MPHOSPH10: variants seen among roughly 807,000 people sequenced by gnomAD.
MPHOSPH10 encodes M-phase phosphoprotein 10.
MPHOSPH10 carries 33 observed loss-of-function variants against 77.3 expected under a neutral mutation model. The ratio of observed to expected loss-of-function variants is 0.43; its 90% CI spans 0.32 to 0.57. MPHOSPH10 has a LOEUF of 0.57. MPHOSPH10 is among the 20% of genes least tolerant of loss of function. MPHOSPH10 has a pLI of 0.07. For missense variants in MPHOSPH10, 708 were observed against 780.1 expected (o/e 0.91, Z 1.10); for synonymous variants, 245 against 268.0 (o/e 0.91, Z 0.84).
intron 1 of MPHOSPH10, among the ~76,000 whole-genome samples, chr2:71,131,960 C>T (rs1673394648): frequency 1.3e-5 from 2 of 152,188 alleles, no homozygotes; most frequent in Non-Finnish European, 2.9e-5. Context: ...AGCTTCAGCT[C>T]AGAGGCCTGA....
chr2:71,142,544 C>T (rs1673632241), intron 7 of MPHOSPH10, among the ~76,000 whole-genome samples: 1 of 152,168 alleles, frequency 6.6e-6, no homozygotes. Context: ...AGTAGCTAGG[C>T]TAGTTCTAGA....
At chr2:71,137,169 A>T (rs2103667244) in intron 4 of MPHOSPH10, among the ~76,000 whole-genome samples, 1 of 150,286 alleles carries the variant, frequency 6.7e-6, no homozygotes, top group African/African-American at 2.4e-5. Context: ...TTCATTTCTA[A>T]TTTTTTTTTT....
At chr2:71,135,555 A>G (rs1415370510) in intron 4 of MPHOSPH10, among the ~76,000 whole-genome samples, 2 of 152,020 alleles carry the variant, frequency 1.3e-5, no homozygotes, top group Non-Finnish European at 2.9e-5. Context: ...TCAAAAATAA[A>G]AAAATTTTTA....
At chr2:71,131,113 A>G (rs1673368452) in intron 1 of MPHOSPH10, among the ~76,000 whole-genome samples, 1 of 152,166 alleles carries the variant, frequency 6.6e-6, no homozygotes, top group African/African-American at 2.4e-5. Context: ...GAAAGTACGA[A>G]CTTGTCACTT....
chr2:71,135,383 T>TA (rs34973076), intron 4 of MPHOSPH10, among the ~76,000 whole-genome samples: 41,222 of 137,200 alleles, frequency 0.3, 5,926 homozygotes, highest in Admixed American at 0.39. Flanking sequence ...CCATCTCTAC[T>TA]AAAAAAAAAA....
At chr2:71,135,561 T>C (rs1172997408) in intron 4 of MPHOSPH10, among the ~76,000 whole-genome samples, 1 of 151,936 alleles carries the variant, frequency 6.6e-6, no homozygotes, top group South Asian at 2.1e-4. Flanking sequence ...ATAAAAAAAT[T>C]TTTAAAGATA....
chr2:71,139,109 A>T, intron 5 of MPHOSPH10: 1 of 195,872 alleles, frequency 5.1e-6, no homozygotes, highest in Non-Finnish European at 1.1e-5. Context: ...CCTATATGCT[A>T]TTCAATTGGA....
rs1279832147 is a variant in MPHOSPH10, at chr2:71,149,204, G to C, written c.1666-19G>C. ...TTAAACTTGATGAATGAATATGTTG[G>C]TGGTTATTTTTTTAATAGGAGAAAA... On this transcript the variant is annotated intron_variant, in intron 9 of 10. Transcript: ENST00000244230. The C allele has an allele frequency of 1.3e-6, 2 of 1,529,226 alleles. No homozygotes were observed. Among genetic ancestry groups the C allele is most frequent in the East Asian group, 4.9e-5 (2 of 40,940 alleles). 94.7% of individuals were successfully genotyped at this position (1,529,226 alleles called of 1,614,324 possible). A position where few individuals can be genotyped will look rare whatever the true frequency, so the allele number is the denominator to read the frequency against.
intron 7 of MPHOSPH10, among the ~76,000 whole-genome samples, chr2:71,142,471 T>G (rs573113965): frequency 6.6e-6 from 1 of 152,204 alleles, no homozygotes; most frequent in Non-Finnish European, 1.5e-5. Context: ...AAATGTTAGT[T>G]TCATTTCTCT....
chr2:71,137,883 T>A (rs1170068394), intron 4 of MPHOSPH10, among the ~76,000 whole-genome samples: 2 of 152,192 alleles, frequency 1.3e-5, no homozygotes, highest in Non-Finnish European at 2.9e-5. Context: ...CCAGGCATGG[T>A]GGCTCACGCC....
At chr2:71,137,645 C>T (rs1380201371) in intron 4 of MPHOSPH10, among the ~76,000 whole-genome samples, 6 of 119,940 alleles carry the variant, frequency 5.0e-5, no homozygotes, top group African/African-American at 1.3e-4. Flanking sequence ...GGCAACTGAG[C>T]GAGACTGTCT....
At position 71,139,783 on chromosome 2, in the gene MPHOSPH10, T is replaced by C. The variant is rs1431933592; in HGVS notation, c.1241-12T>C. The C allele has an allele frequency of 4.4e-6, 7 of 1,592,618 alleles. No homozygotes were observed. The highest frequency in any genetic ancestry group is 6.0e-6 in the Non-Finnish European group (7 of 1,163,344). ...ATATCTACCTAATGAATAAACGTTG[T>C]ATATCCTTTAGCACCTGTGATTACA... On this transcript the variant is annotated splice_polypyrimidine_tract_variant and intron_variant, in intron 5 of 10. Coordinates refer to ENST00000244230, the MANE Select transcript of MPHOSPH10 (RefSeq NM_005791.3).
chr2:71,147,876 A>G, intron 8 of MPHOSPH10, 123 bp from the exon 9 acceptor site: 1 of 727,450 alleles, frequency 1.4e-6, no homozygotes, highest in Non-Finnish European at 2.2e-6. Context: ...CAAGCAAGTG[A>G]AAAAAAGATA....
At chr2:71,136,515 A>C (rs879565519) in intron 4 of MPHOSPH10, among the ~76,000 whole-genome samples, 11 of 151,938 alleles carry the variant, frequency 7.2e-5, no homozygotes, top group Non-Finnish European at 1.3e-4. Context: ...AGACTGTCTG[A>C]AAAAATTAAA....
chr2:71,147,324 T>G (rs997742177), intron 8 of MPHOSPH10, among the ~76,000 whole-genome samples: 2 of 152,174 alleles, frequency 1.3e-5, no homozygotes, highest in African/African-American at 4.8e-5. Context: ...TAGATAGGAA[T>G]AGTTGAGGAA....
rs755975815 is a variant in MPHOSPH10 at position 71,149,391 on chromosome 2, A to C, written c.1834A>C (p.Lys612Gln). ...TGTAGATCAAGCAGGGAAATACAGC[A>C]AAACAGTAGCTTCGGAGAAGTTAAA... ...SSVDQAGKYS[K>Q]TVASEKLKQL... is the part of the protein sequence containing the mutation. The change falls in exon 10 of 11, where the codon AAA (lysine) becomes CAA (glutamine). Residue 612 changes from lysine (K) to glutamine (Q), a missense_variant. This residue lies in a region of MPHOSPH10 where 263 missense variants were observed against 320.0 expected (regional missense o/e 0.82). Transcript: ENST00000244230. The C allele has an allele frequency of 1.6e-5, 26 of 1,613,548 alleles. No homozygotes were observed. In the African/African-American group the frequency reaches 3.2e-4, roughly 20 times the overall value.
At chr2:71,147,687 A>T (rs1337038402) in intron 8 of MPHOSPH10, among the ~76,000 whole-genome samples, 1 of 151,974 alleles carries the variant, frequency 6.6e-6, no homozygotes, top group African/African-American at 2.4e-5. Flanking sequence ...GAAAAAAAAA[A>T]AGAAAAAGAA....
In MPHOSPH10 at chr2:71,144,421, T is replaced by C; in HGVS notation, c.1447-7T>C. 6.2e-7 allele frequency: 1 copy of C among 1,609,418 alleles called. No homozygotes were observed. The highest frequency in any genetic ancestry group is 2.2e-5 in the East Asian group (1 of 44,852). On this transcript the variant is annotated splice_region_variant and splice_polypyrimidine_tract_variant and intron_variant, in intron 7 of 10. Coordinates refer to ENST00000244230, the MANE Select transcript of MPHOSPH10 (RefSeq NM_005791.3). ...TTAGTTTGACATTGTTGAACTTATT[T>C]CCTAAGCAAAAAACAGCAGAAGAAG...
In MPHOSPH10 at chr2:71,149,983, C is replaced by T. The variant is rs1553442803; in HGVS notation, c.2014C>T (p.Gln672Ter). Residue 672 changes from glutamine (Q) to a stop codon, truncating the protein, a stop_gained, in exon 11 of 11, where the codon CAG becomes TAG. Coordinates refer to ENST00000244230, the MANE Select transcript of MPHOSPH10 (RefSeq NM_005791.3). LOFTEE classifies it high-confidence loss of function. ...AACAGAAAAGAAAAAGAAGAAAAGA[C>T]AGGATATTTCTGTTCATAAATTAAA... ...KKTEKKKKKRQDISVHKLKL is the reference protein window; with the variant it reads ...KKTEKKKKKR 4.2e-6 allele frequency: 6 copies of T among 1,433,088 alleles called. No individual in the cohort carries two copies. The highest frequency in any genetic ancestry group is 1.3e-5 in the South Asian group (1 of 77,782). 88.8% of individuals were successfully genotyped at this position (1,433,088 alleles called of 1,614,324 possible).
Sources: gnomAD v4.1 joint callset for allele counts (sites outside exome capture counted in the v4.1 genomes callset) on GRCh38, gnomAD v4.1.1 for gene constraint, gnomAD v4.1.1 regional missense constraint, MANE v1.5 for transcripts, NCBI Gene and HGNC (gene_info 2026-07-23, HGNC 2026-07-21) for gene names.